The following YARS1 variants were observed in gnomAD, a reference collection of about 807,000 sequenced individuals.
YARS1 encodes the protein tyrosine--tRNA ligase, cytoplasmic.
YARS1 carries 36 observed loss-of-function variants against 62.2 expected under a neutral mutation model. The ratio of observed to expected loss-of-function variants is 0.58; its 90% CI spans 0.44 to 0.76. The LOEUF (loss-of-function observed/expected upper bound fraction) is 0.76. Among genes scored for constraint, YARS1 ranks in the 30% least tolerant of loss-of-function variants. YARS1 has a pLI of 0.00. For synonymous variants in YARS1, 234 were observed against 244.9 expected, an observed-to-expected ratio of 0.96 and a Z score of 0.42; for missense variants, 524 against 639.8, an observed-to-expected ratio of 0.82 and a Z score of 1.95.
At chr1:32,814,750 TA>T (rs1355563119) in intron 1 of YARS1, among the ~76,000 whole-genome samples, 7 of 152,230 alleles carry the variant, frequency 4.6e-5, no homozygotes, top group Non-Finnish European at 8.8e-5. Flanking sequence ...AAAACTTCTT[TA>T]AAACTCATTT....
chr1:32,780,470 A>G (rs981543476), intron 10 of YARS1, 192 bp from the exon 11 acceptor site: 4 of 640,732 alleles, frequency 6.2e-6, no homozygotes, highest in African/African-American at 3.6e-5. Context: ...TCTGCTCTCA[A>G]CTGAGGCCAG....
intron 4 of YARS1, among the ~76,000 whole-genome samples, chr1:32,798,777 C>T (rs1374448481): frequency 2.0e-5 from 3 of 152,186 alleles, no homozygotes; most frequent in African/African-American, 7.2e-5. Context: ...GAGCCATGAT[C>T]GTGCCACTGC....
chr1:32,798,780 G>A (rs187558750), intron 4 of YARS1, among the ~76,000 whole-genome samples: 2 of 152,304 alleles, frequency 1.3e-5, no homozygotes, highest in Non-Finnish European at 2.9e-5. Flanking sequence ...CCATGATCGT[G>A]CCACTGCACC....
intron 5 of YARS1, among the ~76,000 whole-genome samples, chr1:32,792,774 G>A (rs1476281892): frequency 2.0e-5 from 3 of 152,020 alleles, no homozygotes; most frequent in Admixed American, 6.6e-5. Flanking sequence ...CAGTTACTCG[G>A]GAGGCTGAGG....
chr1:32,785,103 A>T (rs1344645609), intron 8 of YARS1, among the ~76,000 whole-genome samples: 1 of 152,184 alleles, frequency 6.6e-6, no homozygotes, highest in Non-Finnish European at 1.5e-5. Context: ...TTGCCTATCG[A>T]ATCTGGGAAC....
At chr1:32,782,696 G>T in intron 8 of YARS1, 157 bp from the exon 9 acceptor site, 1 of 977,884 alleles carries the variant, frequency 1.0e-6, no homozygotes, top group East Asian at 2.6e-5. Context: ...AATACATTCA[G>T]AAAGACTAAC....
At chr1:32,788,331 A>G (rs539614009) in intron 6 of YARS1, among the ~76,000 whole-genome samples, 33 of 152,036 alleles carry the variant, frequency 2.2e-4, no homozygotes, top group Non-Finnish European at 4.4e-4. Flanking sequence ...GTTCACTGTA[A>G]CCTCGAACTC....
chr1:32,802,770 C>A (rs1638331488), intron 4 of YARS1, among the ~76,000 whole-genome samples: 1 of 152,102 alleles, frequency 6.6e-6, no homozygotes, highest in Non-Finnish European at 1.5e-5. Context: ...GTGCTACTAT[C>A]CAGGCTTTGT....
At chr1:32,792,773 G>A (rs962257459) in intron 5 of YARS1, among the ~76,000 whole-genome samples, 8 of 151,894 alleles carry the variant, frequency 5.3e-5, no homozygotes, top group South Asian at 4.2e-4. Flanking sequence ...CCAGTTACTC[G>A]GGAGGCTGAG....
chr1:32,775,372 C>G lies in YARS1; in HGVS notation c.*609G>C, dbSNP rs1288984333. 1 of 153,892 alleles carries G rather than the reference C, an allele frequency of 6.5e-6. No individual in the cohort carries two copies. Among genetic ancestry groups the G allele is most frequent in the Non-Finnish European group, 1.4e-5 (1 of 69,222 alleles). 9.5% of individuals were successfully genotyped at this position (153,892 alleles called of 1,614,324 possible). A position where few individuals can be genotyped will look rare whatever the true frequency, so the allele number is the denominator to read the frequency against. On this transcript the variant is annotated 3_prime_UTR_variant, in exon 13 of 13. Transcript: ENST00000373477. ...TTCATTCTGCCTGATGCTAACAACA[C>G]GCAGCTGATTTAGGGAGTGTCCCAG...
At chr1:32,807,852 T>G (rs982970050) in intron 3 of YARS1, among the ~76,000 whole-genome samples, 1 of 152,214 alleles carries the variant, frequency 6.6e-6, no homozygotes, top group South Asian at 2.1e-4. Flanking sequence ...GCCATTCTCC[T>G]TCAGTCTCTT....
In YARS1 at chr1:32,810,909, A is replaced by C; in HGVS notation, c.204+2T>G. ...CCAAGGGCTTATAGCATTAGTTCTTACCTCACACCCTGCCTTTAAGAAGTC... is the reference window on the plus strand; with the variant it reads ...CCAAGGGCTTATAGCATTAGTTCTTCCCTCACACCCTGCCTTTAAGAAGTC... On this transcript the variant is annotated splice_donor_variant, in intron 2 of 12. Transcript: ENST00000373477. LOFTEE classifies it high-confidence loss of function. 1 of 1,613,978 alleles carries C rather than the reference A, an allele frequency of 6.2e-7. No individual in the cohort carries two copies. Among genetic ancestry groups the C allele is most frequent in the Non-Finnish European group, 8.5e-7 (1 of 1,179,990 alleles).
chr1:32,806,354 G>T, intron 4 of YARS1, 128 bp downstream of exon 4: 1 of 1,466,600 alleles, frequency 6.8e-7, no homozygotes, highest in Non-Finnish European at 9.4e-7. Flanking sequence ...ACACAGGGTT[G>T]CCACACACCT....
chr1:32,785,620 T>C lies in YARS1; in HGVS notation c.906+742A>G, dbSNP rs1186068437. On this transcript the variant is annotated intron_variant, in intron 8 of 12. Coordinates refer to ENST00000373477, the MANE Select transcript of YARS1 (RefSeq NM_003680.4). ...TTTTTGAGACGGAGTTTCACTCTTGTTGCCCAGGCTGGAGTACAATGGCGC... is the reference window on the plus strand; with the variant it reads ...TTTTTGAGACGGAGTTTCACTCTTGCTGCCCAGGCTGGAGTACAATGGCGC... Among the ~76,000 whole-genome samples the C allele has an allele frequency of 2.0e-5, 3 of 151,856 alleles. No homozygotes were observed. The East Asian group carries it at 5.8e-4, about 29-fold the overall frequency.
chr1:32,798,592 T>G (rs917350932), intron 4 of YARS1, among the ~76,000 whole-genome samples: 3 of 152,286 alleles, frequency 2.0e-5, no homozygotes, highest in Admixed American at 6.5e-5. Context: ...ATCCCAGCAC[T>G]TTGGGAGGCT....
chr1:32,796,304 AAACAAAAAAC>A (rs1347385872), intron 5 of YARS1, among the ~76,000 whole-genome samples: 3 of 152,150 alleles, frequency 2.0e-5, no homozygotes, highest in Non-Finnish European at 2.9e-5. Flanking sequence ...TTTAAAAAAC[AAACAAAAAAC>A]AACAAAAAAC....
At chr1:32,803,286 CTT>C (rs60704395) in intron 4 of YARS1, among the ~76,000 whole-genome samples, 11 of 134,918 alleles carry the variant, frequency 8.2e-5, no homozygotes, top group Non-Finnish European at 8.0e-5. Flanking sequence ...CCTAATTCTT[CTT>C]TTTTTTTTTT....
chr1:32,779,267 G>T, intron 12 of YARS1, 115 bp downstream of exon 12: 1 of 1,546,874 alleles, frequency 6.5e-7, no homozygotes, highest in Non-Finnish European at 8.9e-7. Flanking sequence ...GGAGAGAGGG[G>T]CTCAAATGCA....
chr1:32,810,700 C>A lies in YARS1; in HGVS notation c.271G>T (p.Glu91Ter). The change falls in exon 3 of 13, where the codon GAA (glutamate) becomes TAA (stop). Residue 91 changes from glutamate (E) to a stop codon, truncating the protein, a stop_gained. Transcript: ENST00000373477. LOFTEE classifies it high-confidence loss of function. ...DNMKAPWELL[E>*]LRVSYYENVI... ...TTCTCATAGTAACTGACTCGGAGTT[C>A]TAGAAGTTCCCATGGGGCTTTCATG... 1 of 1,614,150 alleles carries A rather than the reference C, an allele frequency of 6.2e-7. No homozygotes were observed. The highest frequency in any genetic ancestry group is 1.7e-5 in the Admixed American group (1 of 60,008).
Sources: allele counts gnomAD v4.1 joint callset (sites outside exome capture counted in the v4.1 genomes callset), GRCh38; gene constraint gnomAD v4.1.1; transcripts MANE v1.5; gene names NCBI Gene and HGNC (gene_info 2026-07-23, HGNC 2026-07-21).